GALNT13: variants seen among roughly 807,000 people sequenced by gnomAD.
GALNT13 encodes the protein polypeptide N-acetylgalactosaminyltransferase 13.
In GALNT13, 28 loss-of-function variants were observed where a neutral mutation model predicts 64.2. The ratio of observed to expected loss-of-function variants is 0.44; its 90% CI spans 0.32 to 0.60. The LOEUF is 0.60. Among genes scored for constraint, GALNT13 ranks in the 20% least tolerant of loss-of-function variants. GALNT13 has a pLI of 0.05. For synonymous variants in GALNT13, 214 were observed against 224.6 expected (o/e 0.95, Z 0.42); for missense variants, 577 against 669.8 (o/e 0.86, Z 1.53).
the GALNT13 span, among the ~76,000 whole-genome samples, chr2:153,626,796 T>G: frequency 4.7e-3 from 715 of 152,194 alleles, 4 homozygotes; most frequent in African/African-American, 0.016. Flanking sequence ...AAATAGAGAC[T>G]CTATGATGCC....
the GALNT13 span, among the ~76,000 whole-genome samples, chr2:153,502,330 C>G: frequency 2.0e-5 from 3 of 152,192 alleles, no homozygotes; most frequent in Admixed American, 6.5e-5. Context: ...TGACTGAGAA[C>G]ATGCAATGTT....
At chr2:153,082,610 TATATATATACACACACACACACAC>T in the GALNT13 span, among the ~76,000 whole-genome samples, 160 of 43,374 alleles carry the variant, frequency 3.7e-3, no homozygotes, top group African/African-American at 7.1e-3. Flanking sequence ...TATATATATA[TATATATATACACACACACACACAC>T]ACACACACAC....
At chr2:153,115,100 A>G in the GALNT13 span, among the ~76,000 whole-genome samples, 1 of 152,188 alleles carries the variant, frequency 6.6e-6, no homozygotes, top group African/African-American at 2.4e-5. Context: ...CTAAAAAATA[A>G]AGGAAGATAA....
At chr2:154,335,870 A>T (rs560035080) in intron 9 of GALNT13, among the ~76,000 whole-genome samples, 2 of 152,108 alleles carry the variant, frequency 1.3e-5, no homozygotes, top group African/African-American at 4.8e-5. Context: ...ATATAACCAA[A>T]AGAAGCAAGT....
At chr2:154,250,892 G>A (rs555482696) in intron 7 of GALNT13, among the ~76,000 whole-genome samples, 11 of 152,146 alleles carry the variant, frequency 7.2e-5, no homozygotes, top group Non-Finnish European at 1.6e-4. Flanking sequence ...AAAGGTCAAC[G>A]TTGTGAGCAG....
At chr2:154,007,055 G>C (rs1254005844) in intron 3 of GALNT13, among the ~76,000 whole-genome samples, 2 of 152,202 alleles carry the variant, frequency 1.3e-5, no homozygotes, top group Non-Finnish European at 2.9e-5. Context: ...AATTAGAAAG[G>C]AGATTATCTT....
rs1693230325 is a variant in GALNT13 at position 154,298,797 on chromosome 2, T to TATATATAGTATATATAAATATATATA, written c.976-2605_976-2604insGTATATATAAATATATATAATATATA. Among the ~76,000 whole-genome samples, 29 of 5,008 alleles carry TATATATAGTATATATAAATATATATA rather than the reference T, an allele frequency of 5.8e-3. 6 individuals are homozygous for TATATATAGTATATATAAATATATATA. Among genetic ancestry groups the TATATATAGTATATATAAATATATATA allele is most frequent in the African/African-American group, 8.7e-3 (18 of 2,072 alleles). The allele number at this position is 5,008 out of a possible 152,430, so 3.3% of individuals were successfully genotyped here. On this transcript the variant is annotated intron_variant, in intron 8 of 12. Coordinates refer to ENST00000392825, the MANE Select transcript of GALNT13 (RefSeq NM_052917.4). ...ATATTTATTTATATATTATATTATTTATATATAAATTATATATTATTTATA... is the reference window on the plus strand; with the variant it reads ...ATATTTATTTATATATTATATTATTTATATATAGTATATATAAATATATATAATATATAAATTATATATTATTTATA...
chr2:153,668,394 A>G, the GALNT13 span, among the ~76,000 whole-genome samples: 1 of 152,208 alleles, frequency 6.6e-6, no homozygotes, highest in Non-Finnish European at 1.5e-5. Context: ...AACTGGTCAT[A>G]TGAACTGAAA....
At chr2:154,359,510 G>A (rs944185769) in intron 9 of GALNT13, among the ~76,000 whole-genome samples, 10 of 152,098 alleles carry the variant, frequency 6.6e-5, no homozygotes, top group Non-Finnish European at 1.0e-4. Flanking sequence ...TCATGAAAAT[G>A]TGGACAACTA....
the GALNT13 span, among the ~76,000 whole-genome samples, chr2:153,336,960 G>T: frequency 6.6e-6 from 1 of 152,086 alleles, no homozygotes; most frequent in African/African-American, 2.4e-5. Flanking sequence ...TTTATCAGGG[G>T]TTTCCACTTT....
At chr2:153,652,183 G>A in the GALNT13 span, among the ~76,000 whole-genome samples, 5 of 151,798 alleles carry the variant, frequency 3.3e-5, no homozygotes, top group Admixed American at 1.3e-4. Flanking sequence ...TTTTTATTTC[G>A]GTAATATATC....
the GALNT13 span, among the ~76,000 whole-genome samples, chr2:153,200,184 A>G: frequency 6.6e-6 from 1 of 152,332 alleles, no homozygotes; most frequent in Non-Finnish European, 1.5e-5. Flanking sequence ...AATTCTGAGG[A>G]TAAACTGAAG....
At chr2:153,435,029 G>A in the GALNT13 span, among the ~76,000 whole-genome samples, 1 of 152,170 alleles carries the variant, frequency 6.6e-6, no homozygotes, top group Non-Finnish European at 1.5e-5. Context: ...AAGGGATCCA[G>A]TTTCAGCTTT....
the GALNT13 span, among the ~76,000 whole-genome samples, chr2:153,730,643 A>G: frequency 1.3e-5 from 2 of 151,964 alleles, no homozygotes; most frequent in Non-Finnish European, 2.9e-5. Flanking sequence ...TTTGTAAACT[A>G]TGCATTTGAA....
the GALNT13 span, among the ~76,000 whole-genome samples, chr2:153,806,027 C>T: frequency 6.6e-6 from 1 of 151,942 alleles, no homozygotes; most frequent in Admixed American, 6.6e-5. Flanking sequence ...TACCAAAGAG[C>T]CTAGAAACAA....
intron 4 of GALNT13, among the ~76,000 whole-genome samples, chr2:154,144,558 T>C (rs1683454113): frequency 6.6e-6 from 1 of 152,158 alleles, no homozygotes; most frequent in Admixed American, 6.6e-5. Flanking sequence ...AGTGTCTGAG[T>C]CATCCAAAAT....
the GALNT13 span, among the ~76,000 whole-genome samples, chr2:153,703,981 C>T: frequency 6.6e-6 from 1 of 152,048 alleles, no homozygotes; most frequent in African/African-American, 2.4e-5. Context: ...CATTAACTTA[C>T]TCCTCAGTCC....
At chr2:153,182,445 T>A in the GALNT13 span, among the ~76,000 whole-genome samples, 1 of 152,238 alleles carries the variant, frequency 6.6e-6, no homozygotes, top group African/African-American at 2.4e-5. Flanking sequence ...TAAGTTTTTT[T>A]ATTCTTTAAC....
At chr2:153,801,198 T>C in the GALNT13 span, among the ~76,000 whole-genome samples, 1 of 152,294 alleles carries the variant, frequency 6.6e-6, no homozygotes, top group South Asian at 2.1e-4. Context: ...AAAAGGCTGT[T>C]TTGCTTTCTT....
Sources: gnomAD v4.1 joint callset for allele counts (sites outside exome capture counted in the v4.1 genomes callset) on GRCh38, gnomAD v4.1.1 for gene constraint, MANE v1.5 for transcripts, NCBI Gene and HGNC (gene_info 2026-07-23, HGNC 2026-07-21) for gene names.